DOCK1: variants seen among roughly 807,000 people sequenced by gnomAD.
DOCK1 encodes the protein dedicator of cytokinesis protein 1.
In DOCK1, 138 loss-of-function variants were observed where a neutral mutation model predicts 262.7. The observed-to-expected ratio is 0.53, with a 90% CI of 0.46 to 0.61. The LOEUF (loss-of-function observed/expected upper bound fraction) is 0.61. Among genes scored for constraint, DOCK1 ranks in the 20% least tolerant of loss-of-function variants. The pLI, the probability that DOCK1 is intolerant of heterozygous loss-of-function variation, is 0.00. For missense variants in DOCK1, 1,908 were observed against 2,370.7 expected, an observed-to-expected ratio of 0.80 and a Z score of 4.05; for synonymous variants, 866 against 867.4, an observed-to-expected ratio of 1.00 and a Z score of 0.03.
intron 6 of DOCK1, among the ~76,000 whole-genome samples, chr10:126,993,758 G>A (rs2039976063): frequency 6.6e-6 from 1 of 152,094 alleles, no homozygotes. Flanking sequence ...CACTGTCAGT[G>A]GAATTTGCTC....
At chr10:127,229,631 T>C (rs2134542152) in intron 27 of DOCK1, among the ~76,000 whole-genome samples, 1 of 152,338 alleles carries the variant, frequency 6.6e-6, no homozygotes, top group South Asian at 2.1e-4. Flanking sequence ...TATCCATCCA[T>C]TGATGCACGC....
intron 27 of DOCK1, among the ~76,000 whole-genome samples, chr10:127,200,859 C>T (rs2057420921): frequency 6.6e-6 from 1 of 152,208 alleles, no homozygotes; most frequent in South Asian, 2.1e-4. Context: ...TCTAAGAATG[C>T]AGCCCAGTAA....
At chr10:127,198,764 A>G (rs564743171) in intron 27 of DOCK1, among the ~76,000 whole-genome samples, 1 of 144,760 alleles carries the variant, frequency 6.9e-6, no homozygotes, top group Non-Finnish European at 1.5e-5. Context: ...TTTTTGAAGT[A>G]GGAAACCATT....
chr10:127,070,648 A>C (rs2135921993), intron 23 of DOCK1, among the ~76,000 whole-genome samples: 1 of 151,526 alleles, frequency 6.6e-6, no homozygotes, highest in Admixed American at 6.6e-5. Context: ...TGAACAAAGG[A>C]CTGGAGAGGA....
chr10:127,008,681 G>A (rs1187803249), intron 10 of DOCK1, 51 bp from the exon 11 acceptor site: 30 of 1,447,652 alleles, frequency 2.1e-5, no homozygotes, highest in Non-Finnish European at 2.7e-5. Flanking sequence ...TTTGTGTTCT[G>A]TGATTATAGC....
At chr10:127,206,136 C>CTTTTTTTTTT (rs34450374) in intron 27 of DOCK1, among the ~76,000 whole-genome samples, 22 of 78,662 alleles carry the variant, frequency 2.8e-4, no homozygotes, top group South Asian at 6.3e-4. Flanking sequence ...TTCTTCTTCT[C>CTTTTTTTTTT]TTTTTTTTTT....
rs138658858 is a variant in DOCK1, at chr10:127,345,428, C to G, written c.3224+1682C>G. On this transcript the variant is annotated intron_variant, in intron 31 of 51. Transcript: ENST00000623213. ...AAGCAGCATTCTAATCTAGGCGATT[C>G]AGGGCCCACGATTTTCACCTGGGCT... Among the ~76,000 whole-genome samples, 366 of 152,336 alleles carry G rather than the reference C, an allele frequency of 2.4e-3. 1 individual carries two copies. Among genetic ancestry groups the G allele is most frequent in the Non-Finnish European group, 4.3e-3 (292 of 68,030 alleles).
At chr10:126,962,999 A>G (rs1023352726) in intron 1 of DOCK1, among the ~76,000 whole-genome samples, 2 of 152,140 alleles carry the variant, frequency 1.3e-5, no homozygotes, top group Admixed American at 6.5e-5. Context: ...TCCCCATTGA[A>G]TAGTCTTGGC....
intron 29 of DOCK1, among the ~76,000 whole-genome samples, chr10:127,322,621 G>A (rs576565063): frequency 2.0e-5 from 3 of 152,132 alleles, no homozygotes; most frequent in Admixed American, 6.5e-5. Context: ...TTAAAGGATT[G>A]AAAAAAGGCA....
chr10:127,376,095 C>T (rs2065471060), intron 35 of DOCK1, among the ~76,000 whole-genome samples: 2 of 152,156 alleles, frequency 1.3e-5, no homozygotes, highest in African/African-American at 4.8e-5. Context: ...GGCATTAGAA[C>T]CAGACTCTGA....
At chr10:127,324,826 G>C (rs1263826206) in intron 29 of DOCK1, among the ~76,000 whole-genome samples, 1 of 152,148 alleles carries the variant, frequency 6.6e-6, no homozygotes, top group Non-Finnish European at 1.5e-5. Flanking sequence ...GTCATTTGAG[G>C]TGCTCTGCCT....
At chr10:126,940,406 T>C (rs1304394001) in intron 1 of DOCK1, among the ~76,000 whole-genome samples, 2 of 152,158 alleles carry the variant, frequency 1.3e-5, no homozygotes, top group Non-Finnish European at 1.5e-5. Context: ...ATTCAGAGTA[T>C]GTGTTTTATT....
rs191150766 is a variant in DOCK1 at position 126,997,284 on chromosome 10, C to A, written c.609+401C>A. Among the ~76,000 whole-genome samples the A allele has an allele frequency of 5.9e-5, 9 of 152,220 alleles. No individual in the cohort carries two copies. In the East Asian group the frequency reaches 1.7e-3, roughly 29 times the overall value. ...ATGATCTTTAATGGTATCATGTATG[C>A]ATTAGCCTGTTCTCGCCTTACTATA... On this transcript the variant is annotated intron_variant, in intron 7 of 51. Transcript: ENST00000623213.
intron 25 of DOCK1, among the ~76,000 whole-genome samples, chr10:127,122,441 G>T (rs1271321231): frequency 1.3e-5 from 2 of 152,012 alleles, no homozygotes; most frequent in Non-Finnish European, 2.9e-5. Flanking sequence ...TGGTGCCGGG[G>T]GAGACCTCTC....
At chr10:127,268,480 G>C (rs1297704377) in intron 29 of DOCK1, among the ~76,000 whole-genome samples, 2 of 112,200 alleles carry the variant, frequency 1.8e-5, no homozygotes, top group Non-Finnish European at 3.3e-5. Flanking sequence ...ATCCAGCCTG[G>C]GTGACAGACC....
chr10:126,944,917 C>T (rs2035281098), intron 1 of DOCK1, among the ~76,000 whole-genome samples: 1 of 152,164 alleles, frequency 6.6e-6, no homozygotes, highest in African/African-American at 2.4e-5. Context: ...GGGCTCACTG[C>T]AGCCTCTGTC....
rs35535729 is a variant in DOCK1, at chr10:127,422,158, C to CTTTTTTTT, written c.4776+2429_4776+2436dup. Among the ~76,000 whole-genome samples the CTTTTTTTT allele has an allele frequency of 1.4e-3, 86 of 61,380 alleles. 5 individuals are homozygous for CTTTTTTTT. Among genetic ancestry groups the CTTTTTTTT allele is most frequent in the East Asian group, 1.9e-3 (4 of 2,076 alleles). The allele number at this position is 61,380 out of a possible 152,430, so 40.3% of individuals were successfully genotyped here. ...CAACAAGACTTGTTATTTTGTTTGT[C>CTTTTTTTT]TTTTTTTTTTTTTTTTTTTTTTTTT... On this transcript the variant is annotated intron_variant, in intron 46 of 51. Transcript: ENST00000623213.
At chr10:127,166,231 A>G (rs1164488209) in intron 27 of DOCK1, among the ~76,000 whole-genome samples, 1 of 151,992 alleles carries the variant, frequency 6.6e-6, no homozygotes, top group Non-Finnish European at 1.5e-5. Flanking sequence ...ACGCCCAGCT[A>G]ATTTTTTTTA....
chr10:127,325,074 T>C (rs1307220932), intron 29 of DOCK1, among the ~76,000 whole-genome samples: 1 of 152,120 alleles, frequency 6.6e-6, no homozygotes, highest in Admixed American at 6.5e-5. Flanking sequence ...TCCACATACC[T>C]TGCATGGTGT....
Sources: gnomAD v4.1 joint callset for allele counts (sites outside exome capture counted in the v4.1 genomes callset) on GRCh38, gnomAD v4.1.1 for gene constraint, MANE v1.5 for transcripts, NCBI Gene and HGNC (gene_info 2026-07-23, HGNC 2026-07-21) for gene names.